The following PLCB4 variants were observed in gnomAD, a reference collection of about 807,000 sequenced individuals.
The protein encoded by PLCB4 is phospholipase C beta 4.
PLCB4 carries 77 observed loss-of-function variants against 178.8 expected under a neutral mutation model. The observed-to-expected ratio is 0.43, with a 90% CI of 0.36 to 0.52. The LOEUF (loss-of-function observed/expected upper bound fraction) is 0.52, where lower values mean the gene tolerates loss of function less well. Ranked by LOEUF, PLCB4 falls within the 20% of genes least tolerant of loss-of-function variation. The probability of loss-of-function intolerance (pLI) is 0.00; values close to 1 mark genes in which losing one functional copy is unlikely to be tolerated. For synonymous variants in PLCB4, 496 were observed against 490.8 expected (o/e 1.01, Z -0.14); for missense variants, 1,024 against 1,453.4 (o/e 0.70, Z 4.80).
intron 2 of PLCB4, among the ~76,000 whole-genome samples, chr20:9,129,492 A>T (rs1357842845): frequency 1.3e-5 from 2 of 152,146 alleles, no homozygotes; most frequent in South Asian, 4.1e-4. Flanking sequence ...GTTTCCTGGA[A>T]TATTTCCTCC....
chr20:9,167,191 G>T (rs868560778), intron 2 of PLCB4, among the ~76,000 whole-genome samples: 2 of 151,568 alleles, frequency 1.3e-5, no homozygotes, highest in Non-Finnish European at 2.9e-5. Flanking sequence ...TGGGGACAGG[G>T]GATATATGGG....
At chr20:9,388,577 G>A (rs984909545) in intron 15 of PLCB4, among the ~76,000 whole-genome samples, 1 of 152,156 alleles carries the variant, frequency 6.6e-6, no homozygotes, top group Non-Finnish European at 1.5e-5. Context: ...AAATTAGCTG[G>A]TGTGGTGGCA....
At chr20:9,213,543 G>C (rs539385442) in intron 2 of PLCB4, among the ~76,000 whole-genome samples, 1 of 152,172 alleles carries the variant, frequency 6.6e-6, no homozygotes, top group Admixed American at 6.5e-5. Flanking sequence ...CGTACTACAC[G>C]TTTTGTTAAT....
rs773755683 is a variant in PLCB4 at position 9,401,478 on chromosome 20, T to C, written c.1511-12T>C. On this transcript the variant is annotated splice_polypyrimidine_tract_variant and intron_variant, in intron 19 of 39. Transcript: ENST00000378473. ...TTTGGTGTCATGGATTTTCCATTTG[T>C]CTTTCACACAGCTGACCAAGAGGAG... is the stretch of plus-strand genomic sequence containing the variant. 1.9e-6 allele frequency: 3 copies of C among 1,597,484 alleles called. No homozygotes were observed. The Admixed American group carries it at 5.0e-5, about 27-fold the overall frequency.
chr20:9,325,974 A>G (rs2030466395), intron 4 of PLCB4, among the ~76,000 whole-genome samples: 1 of 152,136 alleles, frequency 6.6e-6, no homozygotes, highest in African/African-American at 2.4e-5. Flanking sequence ...ATAAGAGCCC[A>G]TTTCCCGATT....
chr20:9,349,377 A>T (rs1484233156), intron 7 of PLCB4, among the ~76,000 whole-genome samples: 1 of 152,098 alleles, frequency 6.6e-6, no homozygotes, highest in Non-Finnish European at 1.5e-5. Flanking sequence ...ATGCAGTTGG[A>T]CTCATGCTGT....
chr20:9,339,055 GCCT>G lies in PLCB4; in HGVS notation c.369+22_369+24del, dbSNP rs756189944. The G allele has an allele frequency of 5.6e-6, 9 of 1,599,754 alleles. No individual in the cohort carries two copies. The Admixed American group carries it at 1.2e-4, about 21-fold the overall frequency. On this transcript the variant is annotated intron_variant, in intron 7 of 39. Transcript: ENST00000378473. ...TAACTAAGGTAGCTTCAGTTAAATGGCCTCCTTCTCTTCCCCACCATGTATATA... is the reference window on the plus strand; with the variant it reads ...TAACTAAGGTAGCTTCAGTTAAATGGCCTTCTCTTCCCCACCATGTATATA...
At chr20:9,174,606 A>G (rs1417959676) in intron 2 of PLCB4, among the ~76,000 whole-genome samples, 1 of 151,950 alleles carries the variant, frequency 6.6e-6, no homozygotes, top group Non-Finnish European at 1.5e-5. Flanking sequence ...AAGCCTAATT[A>G]TTTTCCCCTG....
intron 2 of PLCB4, among the ~76,000 whole-genome samples, chr20:9,108,645 T>G (rs2091457757): frequency 6.6e-6 from 1 of 151,902 alleles, no homozygotes; most frequent in Non-Finnish European, 1.5e-5. Context: ...CTTCTTTTTT[T>G]TTTTCAAGAA....
chr20:9,187,497 C>G (rs1412089199), intron 2 of PLCB4, among the ~76,000 whole-genome samples: 1 of 152,166 alleles, frequency 6.6e-6, no homozygotes, highest in African/African-American at 2.4e-5. Flanking sequence ...AACTTCCATG[C>G]CAGACTGTAA....
At chr20:9,180,452 G>T in intron 2 of PLCB4, among the ~76,000 whole-genome samples, 1 of 152,278 alleles carries the variant, frequency 6.6e-6, no homozygotes, top group Admixed American at 6.5e-5. Context: ...TTATTAGTTA[G>T]TGATCATATG....
intron 28 of PLCB4, among the ~76,000 whole-genome samples, chr20:9,424,763 T>C (rs1180918380): frequency 6.6e-6 from 1 of 152,144 alleles, no homozygotes; most frequent in Admixed American, 6.6e-5. Context: ...GTACATGATA[T>C]AGCAAGGCTC....
Position 9,413,197 on chromosome 20 carries a change from A to T in PLCB4, c.2051+2109A>T, listed in dbSNP as rs558807670. On this transcript the variant is annotated intron_variant, in intron 25 of 39. Transcript: ENST00000378473. ...TCTGAAAACTTGCAGTGGCCCGGTG[A>T]TGCTTGAAGCACTTTCCTTGCCCAC... Among the ~76,000 whole-genome samples the T allele has an allele frequency of 1.5e-4, 23 of 152,270 alleles. No homozygotes were observed. The East Asian group carries it at 3.1e-3, about 21-fold the overall frequency.
chr20:9,320,878 G>T (rs547161822), intron 4 of PLCB4, among the ~76,000 whole-genome samples: 53 of 152,232 alleles, frequency 3.5e-4, no homozygotes, highest in South Asian at 6.2e-4. Flanking sequence ...CAGAAACTCT[G>T]GGGGGAGGGT....
chr20:9,262,685 G>T (rs1300300065), intron 3 of PLCB4, among the ~76,000 whole-genome samples: 1 of 152,144 alleles, frequency 6.6e-6, no homozygotes, highest in Non-Finnish European at 1.5e-5. Flanking sequence ...TGGTACTGTT[G>T]GATATGGACA....
At chr20:9,326,135 A>C (rs955737501) in intron 4 of PLCB4, among the ~76,000 whole-genome samples, 2 of 152,180 alleles carry the variant, frequency 1.3e-5, no homozygotes, top group Admixed American at 6.5e-5. Context: ...ATTTCAGCAT[A>C]GGAATTTTTG....
intron 2 of PLCB4, among the ~76,000 whole-genome samples, chr20:9,140,540 AG>A (rs1333676010): frequency 2.6e-5 from 4 of 151,390 alleles, no homozygotes; most frequent in Non-Finnish European, 5.9e-5. Context: ...CGAATGTTGG[AG>A]GGGGGGCCTG....
intron 2 of PLCB4, among the ~76,000 whole-genome samples, chr20:9,142,831 A>G (rs1478718443): frequency 6.6e-6 from 1 of 152,114 alleles, no homozygotes; most frequent in African/African-American, 2.4e-5. Context: ...CTCCTAGTCT[A>G]AATGGTTTCC....
chr20:9,204,848 T>C (rs1419857104), intron 2 of PLCB4, among the ~76,000 whole-genome samples: 1 of 151,992 alleles, frequency 6.6e-6, no homozygotes, highest in African/African-American at 2.4e-5. Flanking sequence ...TGGGGGTAAT[T>C]TGAATTGAGA....
Sources: allele counts gnomAD v4.1 joint callset (sites outside exome capture counted in the v4.1 genomes callset), GRCh38; gene constraint gnomAD v4.1.1; transcripts MANE v1.5; gene names NCBI Gene and HGNC (gene_info 2026-07-23, HGNC 2026-07-21).